FBXO31: variants seen among roughly 807,000 people sequenced by gnomAD.
The protein encoded by FBXO31 is F-box only protein 31.
FBXO31 carries 24 observed loss-of-function variants against 54.4 expected under a neutral mutation model. The ratio of observed to expected loss-of-function variants is 0.44; its 90% confidence interval spans 0.32 to 0.62. The LOEUF (loss-of-function observed/expected upper bound fraction) is 0.62. FBXO31 is among the 20% of genes least tolerant of loss of function. FBXO31 has a pLI of 0.05. For missense variants in FBXO31, 665 were observed against 787.1 expected (o/e 0.84, Z 1.86); for synonymous variants, 388 against 335.6 (o/e 1.16, Z -1.71).
rs1905113821 is a variant in FBXO31, at chr16:87,338,992, TTC to T, written c.733-2730_733-2729del. ...ATAAAGGGGAGTTCCCCTGCACAAG[TTC>T]TCTCTTTTTTTGCCTGCCGCCATGT... On this transcript the variant is annotated intron_variant, in intron 5 of 8. Coordinates refer to ENST00000311635, the MANE Select transcript of FBXO31 (RefSeq NM_024735.5). The surrounding 1 kb of genome is among the most constrained non-coding windows in gnomAD (Gnocchi z 4.3). 6.6e-6 allele frequency among the ~76,000 whole-genome samples: 1 copy of T among 152,126 alleles called. No homozygotes were observed. The highest frequency in any genetic ancestry group is 2.4e-5 in the African/African-American group (1 of 41,402).
intron 1 of FBXO31, among the ~76,000 whole-genome samples, chr16:87,372,107 C>G (rs1204392371): frequency 2.0e-5 from 3 of 151,968 alleles, no homozygotes; most frequent in African/African-American, 7.2e-5. Flanking sequence ...GCATGTAGTC[C>G]TAGCTACTGG....
chr16:87,336,452 C>A lies in FBXO31; in HGVS notation c.733-188G>T, dbSNP rs145093783. 6.6e-6 allele frequency among the ~76,000 whole-genome samples: 1 copy of A among 152,326 alleles called. No individual in the cohort carries two copies. Among genetic ancestry groups the A allele is most frequent in the Non-Finnish European group, 1.5e-5 (1 of 68,022 alleles). The stretch of plus-strand genomic sequence containing the variant: ...AGGGGAGCTGCCGGATTTGACCCCA[C>A]GTCAGAGGTGCCTGCCAACAAAAAG... On this transcript the variant is annotated intron_variant, in intron 5 of 8. Transcript: ENST00000311635. This position sits in a 1 kb window ranked among gnomAD's most constrained non-coding sequence, Gnocchi z 6.5.
rs2150669595 is a variant in FBXO31, at chr16:87,336,168, T to C, written c.829A>G (p.Thr277Ala). The change falls in exon 6 of 9, where the codon ACC becomes GCC. Residue 277 changes from threonine to alanine, a missense_variant. Thr to Ala is a moderately conservative substitution (Grantham distance 58). This residue lies in a region of FBXO31 where 234 missense variants were observed against 346.8 expected (regional missense o/e 0.67). Coordinates refer to ENST00000311635, the MANE Select transcript of FBXO31 (RefSeq NM_024735.5). This position sits in a 1 kb window ranked among gnomAD's most constrained non-coding sequence, Gnocchi z 6.5. ...QELILMKFIY[T>A]SQYDNCLTYR... ...AGCCGCACTCACTCGTACTGACTGGTGTAGATGAACTTCATCAGGATGAGC... is the reference window on the plus strand; with the variant it reads ...AGCCGCACTCACTCGTACTGACTGGCGTAGATGAACTTCATCAGGATGAGC... 1.9e-6 allele frequency: 3 copies of C among 1,613,940 alleles called. No homozygotes were observed. In the East Asian group the frequency reaches 6.7e-5, roughly 36 times the overall value.
rs1905405208 is a variant in FBXO31, at chr16:87,346,752, G to A, written c.489+422C>T. Among the ~76,000 whole-genome samples, 1 of 152,232 alleles carries A rather than the reference G, an allele frequency of 6.6e-6. No individual in the cohort carries two copies. The highest frequency in any genetic ancestry group is 3.2e-3 in the Middle Eastern group (1 of 316). On this transcript the variant is annotated intron_variant, in intron 3 of 8. Transcript: ENST00000311635. The surrounding 1 kb of genome is among the most constrained non-coding windows in gnomAD (Gnocchi z 4.2). ...AGGAGGGCACAGGGGGCGGGAGGCA[G>A]GGTGGTCAGAGCGGGTCCACAGCAG...
intron 1 of FBXO31, among the ~76,000 whole-genome samples, chr16:87,365,519 C>G (rs948363532): frequency 2.0e-5 from 3 of 152,146 alleles, no homozygotes; most frequent in African/African-American, 7.2e-5. Flanking sequence ...GCAGCATGGC[C>G]TCCTTGGGAG....
At chr16:87,379,039 T>G (rs1248702115) in intron 1 of FBXO31, among the ~76,000 whole-genome samples, 1 of 152,004 alleles carries the variant, frequency 6.6e-6, no homozygotes, top group Non-Finnish European at 1.5e-5. Context: ...GAGAGTTCAC[T>G]GCCACACTGC....
At chr16:87,375,162 CGG>C (rs1451136599) in intron 1 of FBXO31, among the ~76,000 whole-genome samples, 3 of 152,096 alleles carry the variant, frequency 2.0e-5, no homozygotes, top group Non-Finnish European at 2.9e-5. Flanking sequence ...AAAAATTAGC[CGG>C]GCGTGGTAGC....
At position 87,342,439 on chromosome 16, in the gene FBXO31, A is replaced by C. The variant is rs139263098; in HGVS notation, c.732+438T>G. 5.4e-3 allele frequency among the ~76,000 whole-genome samples: 822 copies of C among 152,292 alleles called. 5 individuals are homozygous for C. The highest frequency in any genetic ancestry group is 0.019 in the African/African-American group (792 of 41,556). On this transcript the variant is annotated intron_variant, in intron 5 of 8. Coordinates refer to ENST00000311635, the MANE Select transcript of FBXO31 (RefSeq NM_024735.5). ...GCAATATTAAAATACTCAGGCAAAC[A>C]ATCACACACAGGCTTCCCCGCTGCA...
In FBXO31 at chr16:87,345,767, G is replaced by T. The variant is rs930178618; in HGVS notation, c.489+1407C>A. Reference sequence around the variant, plus strand: ...CCTGAAGAGAAGGGACAGGCTGAGAGGCGAGGGGCAGGGCCTTCTCCCCCC... The same window carrying T: ...CCTGAAGAGAAGGGACAGGCTGAGATGCGAGGGGCAGGGCCTTCTCCCCCC... On this transcript the variant is annotated intron_variant, in intron 3 of 8. Transcript: ENST00000311635. The surrounding 1 kb of genome is among the most constrained non-coding windows in gnomAD (Gnocchi z 4.9). Among the ~76,000 whole-genome samples the T allele has an allele frequency of 5.9e-5, 9 of 152,260 alleles. No homozygotes were observed. The highest frequency in any genetic ancestry group is 5.2e-4 in the Admixed American group (8 of 15,288).
intron 5 of FBXO31, among the ~76,000 whole-genome samples, chr16:87,337,185 T>C (rs1905065330): frequency 6.6e-6 from 1 of 152,228 alleles, no homozygotes; most frequent in Non-Finnish European, 1.5e-5. Context: ...AAAAAAATTC[T>C]ATGTACAAAA....
intron 1 of FBXO31, among the ~76,000 whole-genome samples, chr16:87,380,199 G>A (rs1447995563): frequency 2.7e-5 from 4 of 146,112 alleles, no homozygotes; most frequent in Non-Finnish European, 6.0e-5. Flanking sequence ...TTAAGAGGCT[G>A]AGGCAGGAGA....
intron 8 of FBXO31, among the ~76,000 whole-genome samples, chr16:87,333,679 A>G (rs990142646): frequency 6.6e-6 from 1 of 152,180 alleles, no homozygotes; most frequent in Non-Finnish European, 1.5e-5. Flanking sequence ...AGGAGCCTCC[A>G]AGACGGGACC....
chr16:87,371,411 C>T (rs2150693054), intron 1 of FBXO31, among the ~76,000 whole-genome samples: 1 of 152,378 alleles, frequency 6.6e-6, no homozygotes, highest in East Asian at 1.9e-4. Flanking sequence ...AGGGCACAAG[C>T]AATCACTCGG....
chr16:87,354,471 A>AT (rs1242527594), intron 2 of FBXO31, among the ~76,000 whole-genome samples: 3 of 151,716 alleles, frequency 2.0e-5, no homozygotes, highest in Non-Finnish European at 4.4e-5. Context: ...CCTGTCTCAA[A>AT]AAAAAAAAAC....
Position 87,331,147 on chromosome 16 carries a change from G to T in FBXO31, c.*141C>A. 1 of 698,578 alleles carries T rather than the reference G, an allele frequency of 1.4e-6. No individual in the cohort carries two copies. Among genetic ancestry groups the T allele is most frequent in the Non-Finnish European group, 2.5e-6 (1 of 406,230 alleles). 43.3% of individuals were successfully genotyped at this position (698,578 alleles called of 1,614,324 possible). A position where few individuals can be genotyped will look rare whatever the true frequency, so the allele number is the denominator to read the frequency against. ...TCACACTCTCTACATAAAGTGCTGG[G>T]GGGTGGCTGGACTGGGCCCCCCGAC... On this transcript the variant is annotated 3_prime_UTR_variant, in exon 9 of 9. Transcript: ENST00000311635.
At chr16:87,385,290 C>T (rs1476569918), upstream of FBXO31, among the ~76,000 whole-genome samples, 2 of 152,146 alleles carry the variant, frequency 1.3e-5, no homozygotes, top group South Asian at 4.1e-4. Context: ...AACCCCGTCT[C>T]TACTAAAAAT....
rs1597364852 is a variant in FBXO31, at chr16:87,346,725, G to C, written c.489+449C>G. Among the ~76,000 whole-genome samples, 1 of 152,226 alleles carries C rather than the reference G, an allele frequency of 6.6e-6. No individual in the cohort carries two copies. Among genetic ancestry groups the C allele is most frequent in the Non-Finnish European group, 1.5e-5 (1 of 68,042 alleles). On this transcript the variant is annotated intron_variant, in intron 3 of 8. Coordinates refer to ENST00000311635, the MANE Select transcript of FBXO31 (RefSeq NM_024735.5). The surrounding 1 kb of genome is among the most constrained non-coding windows in gnomAD (Gnocchi z 4.2). ...AGGGCTTTCCGTTCGAGAGGCTCCA[G>C]TAGGAGGGCACAGGGGGCGGGAGGC...
At chr16:87,390,810 A>G (rs753050530), upstream of FBXO31, among the ~76,000 whole-genome samples, 65 of 151,674 alleles carry the variant, frequency 4.3e-4, no homozygotes, top group Non-Finnish European at 8.4e-4. Flanking sequence ...TTGCCCAGTC[A>G]GGTCTCAAAC....
rs970060751 is a variant in FBXO31, at chr16:87,346,374, C to A, written c.489+800G>T. 1.3e-5 allele frequency among the ~76,000 whole-genome samples: 2 copies of A among 152,126 alleles called. No homozygotes were observed. The highest frequency in any genetic ancestry group is 4.8e-5 in the African/African-American group (2 of 41,410). Reference sequence around the variant, plus strand: ...ATCAGGAGAAAAGGCGGGGGCTAGACTCGAAAGAAACTTTCACTACTGTAC... The same window carrying A: ...ATCAGGAGAAAAGGCGGGGGCTAGAATCGAAAGAAACTTTCACTACTGTAC... On this transcript the variant is annotated intron_variant, in intron 3 of 8. Transcript: ENST00000311635. This position sits in a 1 kb window ranked among gnomAD's most constrained non-coding sequence, Gnocchi z 4.2.
Sources: allele counts gnomAD v4.1 joint callset (sites outside exome capture counted in the v4.1 genomes callset), GRCh38; gene constraint gnomAD v4.1.1; regional missense constraint gnomAD v4.1.1; non-coding constraint Gnocchi (gnomAD v3.1); transcripts MANE v1.5; gene names NCBI Gene and HGNC (gene_info 2026-07-23, HGNC 2026-07-21).